Variants in SLC25A26 observed in about 807,000 individuals in gnomAD.
The protein encoded by SLC25A26 is mitochondrial S-adenosylmethionine carrier protein.
In SLC25A26, 36 loss-of-function variants were observed where a neutral mutation model predicts 37.8. That is an observed-to-expected ratio of 0.95 (90% confidence interval 0.73 to 1.26). SLC25A26 has a LOEUF of 1.26. Ranked by LOEUF, SLC25A26 falls within the 50% of genes most tolerant of loss-of-function variation. The probability of loss-of-function intolerance (pLI) is 0.00; values close to 1 mark genes in which losing one functional copy is unlikely to be tolerated. For synonymous variants in SLC25A26, 129 were observed against 122.5 expected (o/e 1.05, Z -0.35); for missense variants, 390 against 331.1 (o/e 1.18, Z -1.38).
chr3:66,312,679 A>G (rs535059140), intron 5 of SLC25A26, among the ~76,000 whole-genome samples: 2 of 152,304 alleles, frequency 1.3e-5, no homozygotes, highest in Admixed American at 1.3e-4. Flanking sequence ...GACTGTGGGA[A>G]AAGCATAGTA....
At chr3:66,298,913 C>A (rs1272773831) in intron 5 of SLC25A26, among the ~76,000 whole-genome samples, 1 of 152,200 alleles carries the variant, frequency 6.6e-6, no homozygotes, top group Admixed American at 6.5e-5. Context: ...TCCCCCAGAT[C>A]CCAAGTTACA....
intron 5 of SLC25A26, among the ~76,000 whole-genome samples, chr3:66,344,868 G>C (rs2076284946): frequency 6.6e-6 from 1 of 152,188 alleles, no homozygotes; most frequent in African/African-American, 2.4e-5. Context: ...GTAGTAGTTA[G>C]ACAAGACTCT....
chr3:66,144,957 G>A (rs1412849344), intron 1 of SLC25A26, among the ~76,000 whole-genome samples: 4 of 152,182 alleles, frequency 2.6e-5, no homozygotes, highest in Non-Finnish European at 4.4e-5. Flanking sequence ...GGAAGGCCAC[G>A]CCAAAGAAGT....
At chr3:66,311,845 C>A (rs2075387181) in intron 5 of SLC25A26, among the ~76,000 whole-genome samples, 1 of 152,150 alleles carries the variant, frequency 6.6e-6, no homozygotes, top group African/African-American at 2.4e-5. Context: ...AAGCTTGCTG[C>A]CTGCTCCTTC....
chr3:66,316,869 A>G (rs1279049514), intron 5 of SLC25A26, among the ~76,000 whole-genome samples: 2 of 152,060 alleles, frequency 1.3e-5, no homozygotes, highest in African/African-American at 2.4e-5. Flanking sequence ...AAGTTCTGAT[A>G]TCTTCTCTTC....
chr3:66,292,771 C>G (rs950223066), intron 5 of SLC25A26, among the ~76,000 whole-genome samples: 1 of 152,028 alleles, frequency 6.6e-6, no homozygotes, highest in African/African-American at 2.4e-5. Context: ...GATTATGTTG[C>G]TCTTTCTCGA....
chr3:66,377,865 T>A lies in SLC25A26; in HGVS notation c.*58T>A. 7.8e-7 allele frequency: 1 copy of A among 1,276,452 alleles called. No individual in the cohort carries two copies. The highest frequency in any genetic ancestry group is 1.1e-6 in the Non-Finnish European group (1 of 875,582). The allele number at this position is 1,276,452 out of a possible 1,614,324, so 79.1% of individuals were successfully genotyped here. A position where few individuals can be genotyped will look rare whatever the true frequency, so the allele number is the denominator to read the frequency against. On this transcript the variant is annotated 3_prime_UTR_variant, in exon 10 of 10. Coordinates refer to ENST00000354883, the MANE Select transcript of SLC25A26 (RefSeq NM_001379210.1). ...AGAGAGGGGCCTGCAGTGCAAACCC[T>A]CTTCCGCTGAGCAGCTGTCTGAACT... is the stretch of plus-strand genomic sequence containing the variant.
At chr3:66,257,971 A>AT (rs1224291463) in intron 3 of SLC25A26, among the ~76,000 whole-genome samples, 2 of 152,188 alleles carry the variant, frequency 1.3e-5, no homozygotes, top group Non-Finnish European at 2.9e-5. Flanking sequence ...CCCCTTGCAC[A>AT]TCAAGTAGGG....
At chr3:66,280,426 A>G (rs1051680326) in intron 5 of SLC25A26, among the ~76,000 whole-genome samples, 2 of 152,166 alleles carry the variant, frequency 1.3e-5, no homozygotes, top group South Asian at 2.1e-4. Flanking sequence ...TGTAATGTTC[A>G]TCTACCTTGT....
chr3:66,146,328 A>C (rs1057174676), intron 1 of SLC25A26, among the ~76,000 whole-genome samples: 1 of 151,274 alleles, frequency 6.6e-6, no homozygotes, highest in Non-Finnish European at 1.5e-5. Context: ...TGACAGAGCG[A>C]GATTCAGTCT....
chr3:66,376,427 C>T (rs1272813259), intron 9 of SLC25A26, among the ~76,000 whole-genome samples: 6 of 152,116 alleles, frequency 3.9e-5, no homozygotes, highest in Non-Finnish European at 8.8e-5. Context: ...CACAGCCACT[C>T]CAACCTTCAG....
chr3:66,264,413 G>C (rs1475375710), intron 5 of SLC25A26, among the ~76,000 whole-genome samples: 1 of 152,202 alleles, frequency 6.6e-6, no homozygotes. Flanking sequence ...ACGTGTACTG[G>C]TCCGTGGCCT....
At chr3:66,151,465 A>C (rs116731192) in intron 1 of SLC25A26, among the ~76,000 whole-genome samples, 173 of 152,300 alleles carry the variant, frequency 1.1e-3, no homozygotes, top group African/African-American at 4.0e-3. Flanking sequence ...CTTGCTTTCT[A>C]TTAGTTTGCG....
At chr3:66,247,605 C>A (rs1409974787) in intron 3 of SLC25A26, among the ~76,000 whole-genome samples, 3 of 152,168 alleles carry the variant, frequency 2.0e-5, no homozygotes, top group Non-Finnish European at 2.9e-5. Flanking sequence ...ACACTGCACC[C>A]TGCCAATATT....
chr3:66,183,838 C>T (rs1337444739), intron 1 of SLC25A26, among the ~76,000 whole-genome samples: 3 of 152,060 alleles, frequency 2.0e-5, no homozygotes, highest in African/African-American at 7.2e-5. Context: ...CATCCTCACC[C>T]TCACCCTGAG....
At chr3:66,178,290 G>T (rs4074363) in intron 1 of SLC25A26, among the ~76,000 whole-genome samples, 120,242 of 152,034 alleles carry the variant, frequency 0.79, 47,983 homozygotes, top group African/African-American at 0.87. Flanking sequence ...TTCAGCACCT[G>T]TTCTGAAGCC....
intron 7 of SLC25A26, among the ~76,000 whole-genome samples, chr3:66,368,455 C>T (rs1700156769): frequency 2.0e-5 from 3 of 152,076 alleles, no homozygotes; most frequent in African/African-American, 7.2e-5. Context: ...ATAACGCAAA[C>T]ATGAGAGAGA....
At chr3:66,363,125 C>T (rs1575611335) in intron 7 of SLC25A26, among the ~76,000 whole-genome samples, 196 bp downstream of exon 7, 1 of 149,242 alleles carries the variant, frequency 6.7e-6, no homozygotes, top group African/African-American at 2.4e-5. Flanking sequence ...GCCTGAAAGA[C>T]AACCAATTTG....
rs192926084 is a variant in SLC25A26 at position 66,222,787 on chromosome 3, C to T, written c.33+1660C>T. On this transcript the variant is annotated intron_variant, in intron 1 of 9. Coordinates refer to ENST00000354883, the MANE Select transcript of SLC25A26 (RefSeq NM_001379210.1). ...CCCTTATCTGCTTCTTGATACTCTC[C>T]GAAGTCAGCAAAGGTTGCAATTGCT... Among the ~76,000 whole-genome samples, 104 of 152,196 alleles carry T rather than the reference C, an allele frequency of 6.8e-4. 2 individuals are homozygous for T. In the East Asian group the frequency reaches 0.02, roughly 29 times the overall value.
Sources: gnomAD v4.1 joint callset for allele counts (sites outside exome capture counted in the v4.1 genomes callset) on GRCh38, gnomAD v4.1.1 for gene constraint, MANE v1.5 for transcripts, NCBI Gene and HGNC (gene_info 2026-07-23, HGNC 2026-07-21) for gene names.